Variants in KCNK2 observed in about 807,000 individuals in gnomAD.
KCNK2 encodes the protein potassium two pore domain channel subfamily K member 2.
A neutral mutation model predicts 40.5 loss-of-function variants in KCNK2; 21 were observed. That is an observed-to-expected ratio of 0.52 (90% CI 0.37 to 0.75). The LOEUF is 0.75. Among genes scored for constraint, KCNK2 ranks in the 30% least tolerant of loss-of-function variants. KCNK2 has a pLI of 0.00. For synonymous variants in KCNK2, 191 were observed against 202.2 expected (o/e 0.94, Z 0.47); for missense variants, 399 against 531.6 (o/e 0.75, Z 2.45).
intron 1 of KCNK2, among the ~76,000 whole-genome samples, chr1:215,062,482 G>A (rs1229547255): frequency 6.6e-6 from 1 of 151,594 alleles, no homozygotes; most frequent in East Asian, 2.0e-4. Flanking sequence ...AATAAATATC[G>A]AATCAGACTT....
chr1:215,063,666 C>T (rs1658434143), intron 1 of KCNK2, among the ~76,000 whole-genome samples: 1 of 152,184 alleles, frequency 6.6e-6, no homozygotes, highest in Non-Finnish European at 1.5e-5. Flanking sequence ...AGCTACTCCT[C>T]TCTCGCTCAG....
intron 2 of KCNK2, among the ~76,000 whole-genome samples, chr1:215,115,978 C>T (rs1474412558): frequency 2.1e-5 from 3 of 142,508 alleles, no homozygotes; most frequent in Admixed American, 7.1e-5. Context: ...TTTTTCTATA[C>T]ACCACTGTGC....
intron 1 of KCNK2, among the ~76,000 whole-genome samples, chr1:215,033,966 C>T (rs573715306): frequency 6.6e-6 from 1 of 152,298 alleles, no homozygotes; most frequent in African/African-American, 2.4e-5. Context: ...TTGGTCTTGT[C>T]TACACTATGT....
chr1:215,184,343 G>A (rs910721039), intron 5 of KCNK2, among the ~76,000 whole-genome samples: 18 of 152,108 alleles, frequency 1.2e-4, no homozygotes, highest in Non-Finnish European at 1.8e-4. Flanking sequence ...ATCTTAGGCT[G>A]TCTTATCACT....
chr1:215,216,803 G>A (rs1021838469), intron 6 of KCNK2, among the ~76,000 whole-genome samples: 1 of 151,982 alleles, frequency 6.6e-6, no homozygotes, highest in Non-Finnish European at 1.5e-5. Flanking sequence ...GTTACACTTA[G>A]AGCACATCTC....
At chr1:215,093,765 ATATAAAATATATTATATATTATATAT>A (rs1558087814) in intron 2 of KCNK2, among the ~76,000 whole-genome samples, 1,035 of 42,792 alleles carry the variant, frequency 0.024, 30 homozygotes, top group Admixed American at 0.052. Context: ...ATATTATATA[ATATAAAATATATTATATATTATATAT>A]TATATAATAT....
chr1:215,158,359 A>G (rs1327365075), intron 3 of KCNK2, among the ~76,000 whole-genome samples: 2 of 152,130 alleles, frequency 1.3e-5, no homozygotes, highest in Non-Finnish European at 2.9e-5. Flanking sequence ...CTTCCTGAGG[A>G]CATTCTTTGA....
At chr1:215,064,871 T>G (rs1239277076) in intron 1 of KCNK2, among the ~76,000 whole-genome samples, 1 of 152,202 alleles carries the variant, frequency 6.6e-6, no homozygotes, top group African/African-American at 2.4e-5. Context: ...TTCCTCTTCC[T>G]CCCAATTTCT....
At chr1:215,060,326 G>A (rs1571876710) in intron 1 of KCNK2, among the ~76,000 whole-genome samples, 1 of 152,184 alleles carries the variant, frequency 6.6e-6, no homozygotes, top group Non-Finnish European at 1.5e-5. Flanking sequence ...AGAGGCATCA[G>A]CTAATGCACA....
At chr1:215,198,143 T>A (rs1664943250) in intron 6 of KCNK2, among the ~76,000 whole-genome samples, 1 of 152,080 alleles carries the variant, frequency 6.6e-6, no homozygotes, top group African/African-American at 2.4e-5. Context: ...GGTTTTTTGG[T>A]TTTGTTTTTT....
At chr1:215,098,899 T>G (rs929492014) in intron 2 of KCNK2, among the ~76,000 whole-genome samples, 22 of 151,970 alleles carry the variant, frequency 1.4e-4, no homozygotes, top group African/African-American at 5.3e-4. Flanking sequence ...GGAGTGCATA[T>G]GTGTTCAAAG....
chr1:215,099,287 A>G (rs909421289), intron 2 of KCNK2, among the ~76,000 whole-genome samples: 1 of 151,906 alleles, frequency 6.6e-6, no homozygotes, highest in Non-Finnish European at 1.5e-5. Context: ...TTCCTGCATT[A>G]GTTTGCTAAG....
chr1:215,219,374 CT>C (rs1183264000), intron 6 of KCNK2, among the ~76,000 whole-genome samples: 1 of 152,192 alleles, frequency 6.6e-6, no homozygotes, highest in Admixed American at 6.5e-5. Flanking sequence ...ATAATACATT[CT>C]TCATTTTAGG....
intron 6 of KCNK2, among the ~76,000 whole-genome samples, chr1:215,210,950 C>T (rs1345966197): frequency 6.6e-6 from 1 of 152,138 alleles, no homozygotes; most frequent in African/African-American, 2.4e-5. Context: ...CTTGTTTCAT[C>T]ATTTTTTCCT....
intron 1 of KCNK2, among the ~76,000 whole-genome samples, chr1:215,073,475 T>C (rs2102517104): frequency 6.6e-6 from 1 of 152,260 alleles, no homozygotes; most frequent in Middle Eastern, 3.4e-3. Context: ...CTGAGGAAGA[T>C]GTGTTTTTAC....
intron 5 of KCNK2, among the ~76,000 whole-genome samples, chr1:215,174,678 G>C (rs1460817373): frequency 6.6e-6 from 1 of 152,072 alleles, no homozygotes; most frequent in East Asian, 1.9e-4. Flanking sequence ...CCTTGAAGAG[G>C]TCCTTCACAT....
At chr1:215,039,243 C>T (rs1406893771) in intron 1 of KCNK2, among the ~76,000 whole-genome samples, 2 of 152,040 alleles carry the variant, frequency 1.3e-5, no homozygotes, top group Non-Finnish European at 1.5e-5. Flanking sequence ...TTATCAACTA[C>T]ATTGACCTAA....
intron 1 of KCNK2, among the ~76,000 whole-genome samples, chr1:215,011,451 A>G (rs1656383391): frequency 6.6e-6 from 1 of 151,358 alleles, no homozygotes; most frequent in Non-Finnish European, 1.5e-5. Context: ...ACGCCACCAC[A>G]TCGGCTAAAT....
chr1:215,011,644 C>T lies in KCNK2; in HGVS notation c.34+5689C>T, dbSNP rs140454450. Among the ~76,000 whole-genome samples the T allele has an allele frequency of 5.1e-5, 7 of 137,368 alleles. No homozygotes were observed. In the East Asian group the frequency reaches 1.1e-3, roughly 22 times the overall value. The allele number at this position is 137,368 out of a possible 152,430, so 90.1% of individuals were successfully genotyped here. A position where few individuals can be genotyped will look rare whatever the true frequency, so the allele number is the denominator to read the frequency against. On this transcript the variant is annotated intron_variant, in intron 1 of 6. Transcript: ENST00000391895. ...TTTTTGAGATGGAGTCTCACTCTGT[C>T]GCCCAAGCTGGAGTGCAGTGGCACC...
Sources: allele counts gnomAD v4.1 joint callset (sites outside exome capture counted in the v4.1 genomes callset), GRCh38; gene constraint gnomAD v4.1.1; transcripts MANE v1.5; gene names NCBI Gene and HGNC (gene_info 2026-07-23, HGNC 2026-07-21).